Variants in RDH12 observed in about 807,000 individuals in gnomAD.
RDH12 encodes the protein all-trans and 9-cis retinol dehydrogenase.
Under a neutral mutation model 34.0 loss-of-function variants are expected in RDH12, and 21 were observed. The observed-to-expected ratio is 0.62, with a 90% CI of 0.44 to 0.89. RDH12 has a LOEUF of 0.89. Among genes scored for constraint, RDH12 ranks in the 40% least tolerant of loss-of-function variants. The probability of loss-of-function intolerance (pLI) is 0.00; values close to 1 mark genes in which losing one functional copy is unlikely to be tolerated. For synonymous variants in RDH12, 198 were observed against 169.9 expected (o/e 1.17, Z -1.29); for missense variants, 394 against 398.6 (o/e 0.99, Z 0.10).
At chr14:67,705,056 G>A (rs2037937159) in intron 1 of RDH12, among the ~76,000 whole-genome samples, 1 of 152,218 alleles carries the variant, frequency 6.6e-6, no homozygotes, top group African/African-American at 2.4e-5. Flanking sequence ...GGCTGTTGAG[G>A]CAGAAATAAA....
At chr14:67,712,053 G>A (rs1341312258) in intron 1 of RDH12, among the ~76,000 whole-genome samples, 4 of 152,044 alleles carry the variant, frequency 2.6e-5, no homozygotes, top group Non-Finnish European at 4.4e-5. Flanking sequence ...CTGAGTAGTT[G>A]GGATTACAGA....
At chr14:67,713,268 A>AC (rs992845725) in intron 1 of RDH12, among the ~76,000 whole-genome samples, 1 of 151,440 alleles carries the variant, frequency 6.6e-6, no homozygotes, top group Non-Finnish European at 1.5e-5. Context: ...AAACAAACAA[A>AC]AAACAAAACA....
intron 4 of RDH12, among the ~76,000 whole-genome samples, chr14:67,724,821 G>C (rs1853400716): frequency 6.6e-6 from 1 of 152,196 alleles, no homozygotes; most frequent in Non-Finnish European, 1.5e-5. Context: ...AACGATGTCT[G>C]TGTATAGCCA....
chr14:67,713,751 C>G (rs1345133340), intron 1 of RDH12, among the ~76,000 whole-genome samples: 1 of 151,944 alleles, frequency 6.6e-6, no homozygotes, highest in Non-Finnish European at 1.5e-5. Context: ...CCAGGATGGT[C>G]AGAGCACAGT....
At chr14:67,713,390 A>G (rs1366525439) in intron 1 of RDH12, among the ~76,000 whole-genome samples, 1 of 138,648 alleles carries the variant, frequency 7.2e-6, no homozygotes, top group African/African-American at 2.7e-5. Flanking sequence ...GAAAGCAAGT[A>G]AAACTCCAAA....
rs139881477 is a variant in RDH12, at chr14:67,726,091, A to G, written c.384A>G (p.Val128=). ...ATATTCTGATCAACAATGCGGGAGT[A>G]ATGATGTGTCCATATTCCAAGACAG... is the stretch of plus-strand genomic sequence containing the variant. ...QLHILINNAG[V]MMCPYSKTAD... The change falls in exon 6 of 9, where the codon GTA becomes GTG. Residue 128 remains valine, a synonymous_variant. Transcript: ENST00000551171. 43 of 1,614,114 alleles carry G rather than the reference A, an allele frequency of 2.7e-5. 1 individual carries two copies. The African/African-American group carries it at 4.7e-4, about 18-fold the overall frequency.
In RDH12 at chr14:67,722,206, A is replaced by G. The variant is rs910315; in HGVS notation, c.-219-218A>G. On this transcript the variant is annotated intron_variant, in intron 2 of 8. Coordinates refer to ENST00000551171, the MANE Select transcript of RDH12 (RefSeq NM_152443.3). ...CTTCCCATCCTATTTTAATCCACTC[A>G]TATTTTAAGCATCATGGGGTTTGTG... 0.089 allele frequency among the ~76,000 whole-genome samples: 13,537 copies of G among 152,108 alleles called. 853 individuals are homozygous for G. Among genetic ancestry groups the G allele is most frequent in the East Asian group, 0.23 (1,198 of 5,160 alleles).
At chr14:67,720,474 CT>C (rs1242857503) in intron 1 of RDH12, among the ~76,000 whole-genome samples, 8 of 152,324 alleles carry the variant, frequency 5.3e-5, no homozygotes, top group Admixed American at 4.6e-4. Flanking sequence ...GGTTTCATTT[CT>C]CATACTTACG....
At chr14:67,729,618 CT>C (rs1044915338) in intron 8 of RDH12, 6 of 625,458 alleles carry the variant, frequency 9.6e-6, no homozygotes, top group African/African-American at 7.4e-5. Context: ...TCCATGAAAA[CT>C]TTGCAGCTTT....
intron 1 of RDH12, among the ~76,000 whole-genome samples, chr14:67,710,781 C>A (rs2038001248): frequency 6.6e-6 from 1 of 151,576 alleles, no homozygotes; most frequent in East Asian, 1.9e-4. Flanking sequence ...AGAAAATACC[C>A]AAATAATGAA....
chr14:67,703,131 C>T (rs1011057392), intron 1 of RDH12, among the ~76,000 whole-genome samples: 32 of 152,136 alleles, frequency 2.1e-4, no homozygotes, highest in African/African-American at 7.5e-4. Flanking sequence ...TTATAGTTTT[C>T]ATTTTAGAAT....
chr14:67,729,862 C>A (rs1308826560), intron 8 of RDH12: 2 of 455,286 alleles, frequency 4.4e-6, no homozygotes, highest in Non-Finnish European at 8.8e-6. Flanking sequence ...TGAATCTTAT[C>A]ATGAACTCAA....
intron 3 of RDH12, among the ~76,000 whole-genome samples, 183 bp from the exon 4 acceptor site, chr14:67,724,290 G>A (rs2038159001): frequency 6.6e-6 from 1 of 152,112 alleles, no homozygotes; most frequent in Admixed American, 6.5e-5. Flanking sequence ...CCGATAAACA[G>A]GCGACTACCT....
At chr14:67,719,320 G>A (rs971409007) in intron 1 of RDH12, among the ~76,000 whole-genome samples, 5 of 152,140 alleles carry the variant, frequency 3.3e-5, no homozygotes, top group South Asian at 2.1e-4. Context: ...TGAGGAACTC[G>A]CAATAGAATT....
intron 1 of RDH12, among the ~76,000 whole-genome samples, chr14:67,704,052 A>G (rs1053546952): frequency 4.6e-5 from 7 of 152,262 alleles, no homozygotes; most frequent in Admixed American, 4.6e-4. Flanking sequence ...TTGGATTCGT[A>G]TTTTTATGAT....
At position 67,719,714 on chromosome 14, in the gene RDH12, G is replaced by A. The variant is rs555836261; in HGVS notation, c.-274-1134G>A. Among the ~76,000 whole-genome samples, 7 of 152,272 alleles carry A rather than the reference G, an allele frequency of 4.6e-5. No individual in the cohort carries two copies. The East Asian group carries it at 7.7e-4, about 17-fold the overall frequency. On this transcript the variant is annotated intron_variant, in intron 1 of 8. Coordinates refer to ENST00000551171, the MANE Select transcript of RDH12 (RefSeq NM_152443.3). ...GTTGGTCTTGAACTTCTGGTCTCAC[G>A]TGATCCTCCTGCCTCGGTTTCCCAA...
rs79795843 is a variant in RDH12 at position 67,722,104 on chromosome 14, C to T, written c.-219-320C>T. ...AGCCCTCCAGGAGTTCCAGTCATCT[C>T]CCTCCCCAGTCACTGCCCCCTCCTC... On this transcript the variant is annotated intron_variant, in intron 2 of 8. Transcript: ENST00000551171. Among the ~76,000 whole-genome samples the T allele has an allele frequency of 4.7e-3, 716 of 152,264 alleles. 8 individuals are homozygous for T. The highest frequency in any genetic ancestry group is 0.016 in the African/African-American group (668 of 41,540).
At position 67,727,013 on chromosome 14, in the gene RDH12, C is replaced by A; in HGVS notation, c.481C>A (p.Arg161=). The change falls in exon 7 of 9, where the codon CGG becomes AGG. Residue 161 remains arginine (R), a synonymous_variant. Coordinates refer to ENST00000551171, the MANE Select transcript of RDH12 (RefSeq NM_152443.3). ...HFLLTYLLLE[R]LKVSAPARVV... is the part of the protein sequence containing the mutation. ...CCTCCTCACCTACCTGCTCCTGGAGCGGCTAAAGGTGTCTGCCCCTGCACG... is the reference window on the plus strand; with the variant it reads ...CCTCCTCACCTACCTGCTCCTGGAGAGGCTAAAGGTGTCTGCCCCTGCACG... 1 of 1,613,220 alleles carries A rather than the reference C, an allele frequency of 6.2e-7. No individual in the cohort carries two copies. The highest frequency in any genetic ancestry group is 8.5e-7 in the Non-Finnish European group (1 of 1,180,020).
intron 4 of RDH12, 103 bp downstream of exon 4, chr14:67,724,694 C>T (rs1337594273): frequency 2.2e-6 from 2 of 914,130 alleles, no homozygotes; most frequent in African/African-American, 1.6e-5. Context: ...GGCTTGGGGG[C>T]TCTGACTAGA....
Sources: allele counts gnomAD v4.1 joint callset (sites outside exome capture counted in the v4.1 genomes callset), GRCh38; gene constraint gnomAD v4.1.1; transcripts MANE v1.5; gene names NCBI Gene and HGNC (gene_info 2026-07-23, HGNC 2026-07-21).